The following ZNF420 variants were observed in gnomAD, a reference collection of about 807,000 sequenced individuals.
The protein encoded by ZNF420 is zinc finger protein 420.
In ZNF420, 31 loss-of-function variants were observed where a neutral mutation model predicts 44.7. The ratio of observed to expected loss-of-function variants is 0.69; its 90% CI spans 0.52 to 0.94. The LOEUF is 0.94. Ranked by LOEUF, ZNF420 falls within the 40% of genes least tolerant of loss-of-function variation. The pLI, the probability that ZNF420 is intolerant of heterozygous loss-of-function variation, is 0.00. For synonymous variants in ZNF420, 245 were observed against 267.4 expected, an observed-to-expected ratio of 0.92 and a Z score of 0.82; for missense variants, 681 against 827.9, an observed-to-expected ratio of 0.82 and a Z score of 2.18.
intron 4 of ZNF420, among the ~76,000 whole-genome samples, chr19:37,125,154 T>G (rs1339568552): frequency 6.6e-6 from 1 of 152,180 alleles, no homozygotes; most frequent in Non-Finnish European, 1.5e-5. Flanking sequence ...ATTGCCTTTT[T>G]TCTCTCCAAC....
intron 1 of ZNF420, among the ~76,000 whole-genome samples, chr19:37,070,912 G>A (rs1195605885): frequency 6.6e-6 from 1 of 152,124 alleles, no homozygotes; most frequent in Non-Finnish European, 1.5e-5. Flanking sequence ...ATGGCCCACA[G>A]GCTAGATCCT....
chr19:37,053,754 G>T (rs897059097), intron 1 of ZNF420, among the ~76,000 whole-genome samples: 7 of 152,176 alleles, frequency 4.6e-5, no homozygotes, highest in African/African-American at 1.7e-4. Context: ...GCCGTGTGAG[G>T]TGTCAGTCTG....
chr19:37,130,346 T>C lies in ZNF420; in HGVS notation c.*1288T>C, dbSNP rs1474858857. 1 of 1,291,298 alleles carries C rather than the reference T, an allele frequency of 7.7e-7. No individual in the cohort carries two copies. Among genetic ancestry groups the C allele is most frequent in the African/African-American group, 1.5e-5 (1 of 65,264 alleles). 80.0% of individuals were successfully genotyped at this position (1,291,298 alleles called of 1,614,324 possible). Reference sequence around the variant, plus strand: ...GCTATTGTAGTTCTGTTATTGACAATAAAAATTCTTAAGGATATAAAATTT... The same window carrying C: ...GCTATTGTAGTTCTGTTATTGACAACAAAAATTCTTAAGGATATAAAATTT... On this transcript the variant is annotated 3_prime_UTR_variant, in exon 5 of 5. Coordinates refer to ENST00000337995, the MANE Select transcript of ZNF420 (RefSeq NM_144689.5).
chr19:37,073,664 C>T (rs1051002309), upstream of ZNF420, among the ~76,000 whole-genome samples: 2 of 148,188 alleles, frequency 1.3e-5, no homozygotes, highest in African/African-American at 5.0e-5. Flanking sequence ...CTGCCTGACC[C>T]GGGAGGTGGA....
chr19:37,011,803 C>T (rs1224369294), intron 1 of ZNF420, among the ~76,000 whole-genome samples: 2 of 152,162 alleles, frequency 1.3e-5, no homozygotes, highest in East Asian at 3.9e-4. Flanking sequence ...GACGCCAGTG[C>T]CACGTGTGGT....
intron 1 of ZNF420, among the ~76,000 whole-genome samples, chr19:37,012,330 C>T (rs2074576202): frequency 2.0e-5 from 3 of 152,220 alleles, no homozygotes; most frequent in Non-Finnish European, 4.4e-5. Context: ...CTAGCTAATG[C>T]GCATGCGTGA....
chr19:37,062,355 AAAG>A (rs1425537501), intron 1 of ZNF420, among the ~76,000 whole-genome samples: 3 of 152,208 alleles, frequency 2.0e-5, no homozygotes, highest in African/African-American at 7.2e-5. Flanking sequence ...AGACCAGAGT[AAAG>A]AAGATATGGA....
chr19:37,051,790 TAGTTCTTTTAATTGTGATGTTAG>T (rs1417421332), intron 1 of ZNF420, among the ~76,000 whole-genome samples: 1 of 152,206 alleles, frequency 6.6e-6, no homozygotes, highest in African/African-American at 2.4e-5. Context: ...CTTGCTTCTC[TAGTTCTTTTAATTGTGATGTTAG>T]GGTGTCAGTT....
In ZNF420 at chr19:37,055,481, C is replaced by T. The variant is rs1387898243; in HGVS notation, c.-124-24864C>T. ...GGCCCCGAAGTCCCCTCTCCAACAA[C>T]GCCCGCTACTCCATCAACACTCCAG... On this transcript the variant is annotated intron_variant, in intron 1 of 4. Coordinates refer to the ZNF420 transcript ENST00000587029. 4.6e-5 allele frequency among the ~76,000 whole-genome samples: 7 copies of T among 152,350 alleles called. No individual in the cohort carries two copies. The East Asian group carries it at 7.7e-4, about 17-fold the overall frequency.
At chr19:37,068,375 C>T (rs1968003854) in intron 1 of ZNF420, among the ~76,000 whole-genome samples, 2 of 152,294 alleles carry the variant, frequency 1.3e-5, no homozygotes, top group South Asian at 2.1e-4. Flanking sequence ...CGCGGTGGCT[C>T]ATGCCTGTAA....
chr19:37,052,838 T>C (rs575257112), intron 1 of ZNF420, among the ~76,000 whole-genome samples: 1 of 152,284 alleles, frequency 6.6e-6, no homozygotes, highest in African/African-American at 2.4e-5. Context: ...CAATTATGTG[T>C]CTTGGAGTTG....
chr19:37,052,263 G>A (rs1242818489), intron 1 of ZNF420, among the ~76,000 whole-genome samples: 10 of 150,654 alleles, frequency 6.6e-5, no homozygotes, highest in South Asian at 4.2e-4. Context: ...GTCTCTGCAC[G>A]TGAGATGGGT....
At chr19:37,025,770 CT>C (rs67671586) in intron 1 of ZNF420, among the ~76,000 whole-genome samples, 2,190 of 129,418 alleles carry the variant, frequency 0.017, 22 homozygotes, top group African/African-American at 0.029. Flanking sequence ...TTAAACCTGT[CT>C]TTTTTTTTTT....
chr19:37,036,894 G>A (rs746187877), intron 1 of ZNF420, among the ~76,000 whole-genome samples: 6 of 152,128 alleles, frequency 3.9e-5, no homozygotes, highest in African/African-American at 1.4e-4. Flanking sequence ...TAAATATACC[G>A]CCATAATAAC....
intron 1 of ZNF420, among the ~76,000 whole-genome samples, chr19:37,058,042 C>G (rs1203985537): frequency 6.6e-6 from 1 of 152,158 alleles, no homozygotes; most frequent in East Asian, 1.9e-4. Flanking sequence ...TGCCTGGGAT[C>G]TGGCCTCTGC....
intron 1 of ZNF420, among the ~76,000 whole-genome samples, chr19:37,063,704 A>T (rs181324437): frequency 1.9e-4 from 29 of 152,278 alleles, no homozygotes; most frequent in Admixed American, 1.4e-3. Flanking sequence ...TTCCTTAAAG[A>T]TCCCACAACA....
At chr19:37,098,199 G>T (rs967663479) in intron 4 of ZNF420, among the ~76,000 whole-genome samples, 1 of 152,058 alleles carries the variant, frequency 6.6e-6, no homozygotes, top group African/African-American at 2.4e-5. Flanking sequence ...CAATCTACCT[G>T]CCTTGGCCTC....
chr19:37,099,693 G>T (rs578202244), intron 4 of ZNF420, among the ~76,000 whole-genome samples: 8 of 151,970 alleles, frequency 5.3e-5, no homozygotes, highest in African/African-American at 1.9e-4. Flanking sequence ...GTGCAATCTC[G>T]GCTCACTACA....
At chr19:37,068,351 T>C (rs1258055735) in intron 1 of ZNF420, among the ~76,000 whole-genome samples, 1 of 151,958 alleles carries the variant, frequency 6.6e-6, no homozygotes, top group African/African-American at 2.4e-5. Context: ...TAGAAATAAA[T>C]ACAAATGGCC....
Sources: allele counts gnomAD v4.1 joint callset (sites outside exome capture counted in the v4.1 genomes callset), GRCh38; gene constraint gnomAD v4.1.1; transcripts MANE v1.5; gene names NCBI Gene and HGNC (gene_info 2026-07-23, HGNC 2026-07-21).